HIP1: variants seen among roughly 807,000 people sequenced by gnomAD.
The protein encoded by HIP1 is huntingtin interacting protein 1.
Under a neutral mutation model 147.6 loss-of-function variants are expected in HIP1, and 65 were observed. The observed-to-expected ratio is 0.44, with a 90% CI of 0.36 to 0.54. The LOEUF is 0.54. Among genes scored for constraint, HIP1 ranks in the 20% least tolerant of loss-of-function variants. HIP1 has a pLI of 0.00. For missense variants in HIP1, 1,061 were observed against 1,299.6 expected, an observed-to-expected ratio of 0.82 and a Z score of 2.82; for synonymous variants, 479 against 504.0, an observed-to-expected ratio of 0.95 and a Z score of 0.67.
In HIP1 at chr7:75,563,052, G is replaced by A. The variant is rs782782048; in HGVS notation, c.903C>T (p.Ala301=). 1 of 1,614,202 alleles carries A rather than the reference G, an allele frequency of 6.2e-7. No individual in the cohort carries two copies. The highest frequency in any genetic ancestry group is 2.2e-5 in the East Asian group (1 of 44,888). ...GGCTGATATGTTCTGACAGGGCTGAGGCTCGCAGGAAGTTGGGTGGGTTCT... is the reference window on the plus strand; with the variant it reads ...GGCTGATATGTTCTGACAGGGCTGAAGCTCGCAGGAAGTTGGGTGGGTTCT... ...LPENPPNFLR[A]SALSEHISPV... is the part of the protein sequence containing the mutation. The change falls in exon 11 of 31, where the codon GCC becomes GCT. Residue 301 remains alanine (A), a synonymous_variant. Coordinates refer to ENST00000336926, the MANE Select transcript of HIP1 (RefSeq NM_005338.7).
intron 1 of HIP1, among the ~76,000 whole-genome samples, chr7:75,615,259 G>C (rs1345438356): frequency 6.6e-6 from 1 of 151,880 alleles, no homozygotes; most frequent in Non-Finnish European, 1.5e-5. Context: ...CAGATGATAG[G>C]AAGTGGACCC....
chr7:75,659,082 C>T (rs1799225290), intron 1 of HIP1, among the ~76,000 whole-genome samples: 1 of 152,214 alleles, frequency 6.6e-6, no homozygotes, highest in Non-Finnish European at 1.5e-5. Flanking sequence ...TCACACACTG[C>T]TTTGGGTCAT....
At position 75,556,079 on chromosome 7, in the gene HIP1, A is replaced by G. The variant is rs782336369; in HGVS notation, c.1774T>C (p.Ser592Pro). ...TCCTGCAGTTCTTTCCGAAGAGCAG[A>G]TAATTCCTCCTCCCTATGAGCTGCG... ...SGAAHREEEL[S>P]ALRKELQDTQ... The change falls in exon 18 of 31, where the codon TCT becomes CCT. Residue 592 changes from serine to proline, a missense_variant. Ser to Pro is a moderately conservative substitution (Grantham distance 74). Transcript: ENST00000336926. The G allele has an allele frequency of 1.5e-5, 25 of 1,614,082 alleles. No homozygotes were observed. The highest frequency in any genetic ancestry group is 2.1e-5 in the Non-Finnish European group (25 of 1,180,050).
At chr7:75,632,165 G>C (rs1160476213) in intron 1 of HIP1, among the ~76,000 whole-genome samples, 1 of 152,094 alleles carries the variant, frequency 6.6e-6, no homozygotes, top group African/African-American at 2.4e-5. Context: ...GGTCGCCCTT[G>C]GTGCATTTCA....
intron 8 of HIP1, among the ~76,000 whole-genome samples, chr7:75,571,152 A>AAT (rs869128283): frequency 0.79 from 119,893 of 151,896 alleles, 47,602 homozygotes; most frequent in Middle Eastern, 0.9. Context: ...CCAAACACTT[A>AAT]TACCTGTCTC....
intron 4 of HIP1, among the ~76,000 whole-genome samples, chr7:75,590,303 A>T (rs1554500503): frequency 2.0e-5 from 3 of 152,232 alleles, no homozygotes. Flanking sequence ...TTATACAGGA[A>T]ACAAAGATAC....
intron 1 of HIP1, among the ~76,000 whole-genome samples, chr7:75,714,455 CTTT>C (rs71082343): frequency 0.52 from 71,505 of 137,468 alleles, 17,623 homozygotes; most frequent in African/African-American, 0.62. Flanking sequence ...ATCTTTTTTT[CTTT>C]TTTTTTTTTT....
intron 1 of HIP1, among the ~76,000 whole-genome samples, chr7:75,713,846 G>T (rs921020722): frequency 2.0e-5 from 3 of 151,290 alleles, no homozygotes; most frequent in Non-Finnish European, 2.9e-5. Context: ...GACTACAGGC[G>T]TGCACCACAA....
At chr7:75,571,881 C>A (rs781911851) in intron 8 of HIP1, among the ~76,000 whole-genome samples, 37 of 152,056 alleles carry the variant, frequency 2.4e-4, no homozygotes, top group African/African-American at 8.7e-4. Context: ...ACTGTGCCCA[C>A]CCCAGACACA....
At chr7:75,571,559 A>G (rs1795633724) in intron 8 of HIP1, among the ~76,000 whole-genome samples, 1 of 152,202 alleles carries the variant, frequency 6.6e-6, no homozygotes, top group South Asian at 2.1e-4. Flanking sequence ...GTTACAGAGT[A>G]TACTGTCTTA....
intron 7 of HIP1, among the ~76,000 whole-genome samples, chr7:75,576,200 A>G (rs1021085272): frequency 1.3e-5 from 2 of 152,228 alleles, no homozygotes; most frequent in African/African-American, 4.8e-5. Context: ...ACATGTGGCT[A>G]TAACAGTGCA....
At chr7:75,660,075 G>A (rs1308749168) in intron 1 of HIP1, among the ~76,000 whole-genome samples, 1 of 151,732 alleles carries the variant, frequency 6.6e-6, no homozygotes, top group Non-Finnish European at 1.5e-5. Context: ...GCACTGAGCC[G>A]AGATAGTGCC....
At chr7:75,555,292 A>T in intron 19 of HIP1, 124 bp downstream of exon 19, 1 of 1,094,166 alleles carries the variant, frequency 9.1e-7, no homozygotes, top group Non-Finnish European at 1.3e-6. Context: ...GGGCGCCCCT[A>T]AGGTAATGCT....
Position 75,537,880 on chromosome 7 carries a change from G to T in HIP1, c.*292C>A, listed in dbSNP as rs1167831. 4.2e-6 allele frequency: 2 copies of T among 479,752 alleles called. No homozygotes were observed. Among genetic ancestry groups the T allele is most frequent in the Non-Finnish European group, 7.6e-6 (2 of 263,064 alleles). 29.7% of individuals were successfully genotyped at this position (479,752 alleles called of 1,614,324 possible). A position where few individuals can be genotyped will look rare whatever the true frequency, so the allele number is the denominator to read the frequency against. On this transcript the variant is annotated 3_prime_UTR_variant, in exon 31 of 31. Coordinates refer to ENST00000336926, the MANE Select transcript of HIP1 (RefSeq NM_005338.7). ...GGATGTTGGTCCTCTCTGTTGAGTG[G>T]CCCTGCCCCCCACCACCCCTCTTCG...
chr7:75,629,543 TTTC>T (rs1159658131), intron 1 of HIP1, among the ~76,000 whole-genome samples: 1 of 124,702 alleles, frequency 8.0e-6, no homozygotes, highest in East Asian at 2.1e-4. Flanking sequence ...CTCCCCCGCT[TTTC>T]TTTTTTTTTT....
intron 1 of HIP1, among the ~76,000 whole-genome samples, chr7:75,634,734 T>A (rs1554509392): frequency 6.6e-6 from 1 of 151,956 alleles, no homozygotes; most frequent in Non-Finnish European, 1.5e-5. Flanking sequence ...AAAACCAGCC[T>A]GGGCAACATA....
In HIP1 at chr7:75,688,429, G is replaced by GT. The variant is rs547109410; in HGVS notation, c.120+50371dup. 3.5e-3 allele frequency among the ~76,000 whole-genome samples: 539 copies of GT among 152,206 alleles called. 3 individuals are homozygous for GT. Among genetic ancestry groups the GT allele is most frequent in the African/African-American group, 0.012 (518 of 41,542 alleles). ...GTCCATCATGCTGCGTCTGCAGGGG[G>GT]TGGGGGGGATGAGCTGTCGGTGGAG... On this transcript the variant is annotated intron_variant, in intron 1 of 30. Transcript: ENST00000336926.
chr7:75,738,685 C>T, intron 1 of HIP1, 116 bp downstream of exon 1: 2 of 1,271,370 alleles, frequency 1.6e-6, no homozygotes, highest in East Asian at 2.7e-5. Context: ...CCGCTCACTA[C>T]ACCCTCGCCC....
chr7:75,658,399 T>G (rs1554513085), intron 1 of HIP1, among the ~76,000 whole-genome samples: 1 of 152,052 alleles, frequency 6.6e-6, no homozygotes, highest in African/African-American at 2.4e-5. Context: ...CTCTTCTTCA[T>G]TTTTTGAAGG....
Sources: allele counts gnomAD v4.1 joint callset (sites outside exome capture counted in the v4.1 genomes callset), GRCh38; gene constraint gnomAD v4.1.1; transcripts MANE v1.5; gene names NCBI Gene and HGNC (gene_info 2026-07-23, HGNC 2026-07-21).